The following ZPBP variants were observed in gnomAD, a reference collection of about 807,000 sequenced individuals.
ZPBP encodes the protein zona pellucida-binding protein 1.
ZPBP carries 26 observed loss-of-function variants against 44.8 expected under a neutral mutation model. The ratio of observed to expected loss-of-function variants is 0.58; its 90% CI spans 0.43 to 0.81. The LOEUF is 0.81. Among genes scored for constraint, ZPBP ranks in the 30% least tolerant of loss-of-function variants. ZPBP has a pLI of 0.00. For missense variants in ZPBP, 409 were observed against 434.0 expected (o/e 0.94, Z 0.51); for synonymous variants, 174 against 153.2 (o/e 1.14, Z -1.00).
In ZPBP at chr7:49,859,506, C is replaced by T. The variant is rs552238153; in HGVS notation, n.510-8992G>A. Among the ~76,000 whole-genome samples, 42 of 152,176 alleles carry T rather than the reference C, an allele frequency of 2.8e-4. No individual in the cohort carries two copies. In the Middle Eastern group the frequency reaches 0.014, roughly 49 times the overall value. The stretch of plus-strand genomic sequence containing the variant: ...TGATTTTTTTTCTTGTTGTTCTTCA[C>T]GTGGATAACCACTTGTCTCAGCCCC... On this transcript the variant is annotated intron_variant and non_coding_transcript_variant, in intron 2 of 2. Coordinates refer to the ZPBP transcript ENST00000465922.
chr7:49,842,115 TC>T, the ZPBP span, among the ~76,000 whole-genome samples: 24 of 152,072 alleles, frequency 1.6e-4, no homozygotes, highest in Non-Finnish European at 1.5e-5. Context: ...TGATCCACCC[TC>T]CTCAACCTCC....
rs778723394 is a variant in ZPBP, at chr7:49,942,907, C to A, written c.962-5285G>T. 163 of 164,066 alleles carry A rather than the reference C, an allele frequency of 9.9e-4. 1 individual carries two copies. Among genetic ancestry groups the A allele is most frequent in the Non-Finnish European group, 1.7e-3 (131 of 76,344 alleles). The allele number at this position is 164,066 out of a possible 1,614,324, so 10.2% of individuals were successfully genotyped here. On this transcript the variant is annotated intron_variant, in intron 7 of 7. Transcript: ENST00000046087. ...TGACTATTCTCTTCTTTTTCTTTTTCAATCACAGATTCTGTCACTTCACCT... is the reference window on the plus strand; with the variant it reads ...TGACTATTCTCTTCTTTTTCTTTTTAAATCACAGATTCTGTCACTTCACCT...
At chr7:49,929,911 T>C in intron 1 of ZPBP, among the ~76,000 whole-genome samples, 1 of 152,218 alleles carries the variant, frequency 6.6e-6, no homozygotes, top group East Asian at 1.9e-4. Flanking sequence ...ACTGGCCTGT[T>C]CAACACTCAT....
At chr7:50,038,520 T>C (rs1349632004) in intron 4 of ZPBP, among the ~76,000 whole-genome samples, 5 of 152,154 alleles carry the variant, frequency 3.3e-5, no homozygotes, top group African/African-American at 1.2e-4. Flanking sequence ...AAGCAATAGA[T>C]CAATCATCTG....
At chr7:50,039,994 A>T (rs1236971129) in intron 4 of ZPBP, among the ~76,000 whole-genome samples, 1 of 152,218 alleles carries the variant, frequency 6.6e-6, no homozygotes, top group Non-Finnish European at 1.5e-5. Flanking sequence ...GGAAATAAAC[A>T]GCAAAAAGTA....
intron 1 of ZPBP, among the ~76,000 whole-genome samples, chr7:49,909,969 T>G (rs1047573243): frequency 6.6e-6 from 1 of 151,310 alleles, no homozygotes; most frequent in African/African-American, 2.4e-5. Context: ...GTTACTCAGG[T>G]GTGGTGGTGT....
intron 6 of ZPBP, among the ~76,000 whole-genome samples, chr7:50,009,167 G>GTGGA (rs1798451988): frequency 6.6e-6 from 1 of 151,022 alleles, no homozygotes; most frequent in Admixed American, 6.6e-5. Flanking sequence ...AACCTGCTAG[G>GTGGA]TGGAGGTTGC....
At chr7:49,978,150 T>C (rs1359227122) in intron 7 of ZPBP, among the ~76,000 whole-genome samples, 1 of 150,572 alleles carries the variant, frequency 6.6e-6, no homozygotes, top group Non-Finnish European at 1.5e-5. Flanking sequence ...TATACAAAAA[T>C]ATAATAGAAA....
At chr7:50,056,992 T>C (rs1326526948) in intron 4 of ZPBP, among the ~76,000 whole-genome samples, 3 of 152,094 alleles carry the variant, frequency 2.0e-5, no homozygotes, top group African/African-American at 7.2e-5. Flanking sequence ...GAGACCATCC[T>C]GGCTAACACG....
At chr7:49,864,779 C>A (rs912385160) in intron 2 of ZPBP, among the ~76,000 whole-genome samples, 1 of 152,204 alleles carries the variant, frequency 6.6e-6, no homozygotes, top group Non-Finnish European at 1.5e-5. Flanking sequence ...AAGTTCCCAG[C>A]ATGGGAATGG....
At chr7:50,030,894 C>T (rs145663399) in intron 5 of ZPBP, among the ~76,000 whole-genome samples, 198 bp downstream of exon 5, 350 of 152,232 alleles carry the variant, frequency 2.3e-3, no homozygotes, top group African/African-American at 7.8e-3. Context: ...ATTGAGAGAA[C>T]AAACTTTTCA....
At chr7:50,082,598 C>G (rs1052578332) in intron 2 of ZPBP, among the ~76,000 whole-genome samples, 4 of 151,670 alleles carry the variant, frequency 2.6e-5, no homozygotes, top group Non-Finnish European at 5.9e-5. Context: ...ACACTGTATA[C>G]AAAGATTTCT....
At chr7:49,875,844 G>A (rs189820462) in intron 2 of ZPBP, among the ~76,000 whole-genome samples, 144 of 152,082 alleles carry the variant, frequency 9.5e-4, no homozygotes, top group Non-Finnish European at 2.2e-4. Context: ...ACTGGCTGCA[G>A]GCTCCATGAG....
At chr7:50,046,601 T>C (rs148352891) in intron 4 of ZPBP, among the ~76,000 whole-genome samples, 2 of 152,248 alleles carry the variant, frequency 1.3e-5, no homozygotes, top group Admixed American at 1.3e-4. Context: ...TAAGATACCA[T>C]CTCACACCAG....
Position 49,909,027 on chromosome 7 carries a change from A to G in ZPBP, n.412-7812T>C, listed in dbSNP as rs1339135150. ...AGACTTTTGCTAGCATTTGTAGAAC[A>G]ACAGGATAGGTGAAATATAATTATC... is the stretch of plus-strand genomic sequence containing the variant. On this transcript the variant is annotated intron_variant and non_coding_transcript_variant, in intron 1 of 2. Coordinates refer to the ZPBP transcript ENST00000465922. Among the ~76,000 whole-genome samples the G allele has an allele frequency of 4.6e-5, 7 of 152,248 alleles. No homozygotes were observed. In the East Asian group the frequency reaches 1.3e-3, roughly 29 times the overall value.
chr7:49,998,874 C>T (rs981835340), intron 6 of ZPBP, among the ~76,000 whole-genome samples: 2 of 152,004 alleles, frequency 1.3e-5, no homozygotes, highest in African/African-American at 4.8e-5. Context: ...GAATAGTGTA[C>T]ATGAGTGCAC....
chr7:49,841,691 A>G, the ZPBP span, among the ~76,000 whole-genome samples: 9 of 152,286 alleles, frequency 5.9e-5, no homozygotes, highest in South Asian at 1.7e-3. Flanking sequence ...CATGGTTTGC[A>G]TTTCTTCTAA....
downstream of ZPBP, among the ~76,000 whole-genome samples, chr7:49,935,232 G>A (rs1434561294): frequency 6.6e-6 from 1 of 152,092 alleles, no homozygotes; most frequent in Non-Finnish European, 1.5e-5. Context: ...ATGAAGCTAG[G>A]AGTATCCTAG....
intron 1 of ZPBP, chr7:49,912,888 A>G (rs138716606): frequency 2.8e-4 from 42 of 152,214 alleles, no homozygotes; most frequent in African/African-American, 9.9e-4. Flanking sequence ...CATATATTTC[A>G]TTCTTATTTA....
Sources: allele counts gnomAD v4.1 joint callset (sites outside exome capture counted in the v4.1 genomes callset), GRCh38; gene constraint gnomAD v4.1.1; transcripts MANE v1.5; gene names NCBI Gene and HGNC (gene_info 2026-07-23, HGNC 2026-07-21).